Variants in URGCP observed in about 807,000 individuals in gnomAD.
The protein encoded by URGCP is up-regulator of cell proliferation.
In URGCP, 13 loss-of-function variants were observed where a neutral mutation model predicts 24.6. That is an observed-to-expected ratio of 0.53 (90% CI 0.34 to 0.84). URGCP has a LOEUF of 0.84. Ranked by LOEUF, URGCP falls within the 40% of genes least tolerant of loss-of-function variation. The pLI is 0.01. For missense variants in URGCP, 899 were observed against 1,194.3 expected (o/e 0.75, Z 3.64); for synonymous variants, 444 against 487.2 (o/e 0.91, Z 1.17).
At chr7:43,915,403 G>A (rs1454836461) in intron 1 of URGCP, among the ~76,000 whole-genome samples, 1 of 152,212 alleles carries the variant, frequency 6.6e-6, no homozygotes, top group African/African-American at 2.4e-5. Flanking sequence ...ATTGCTCTCA[G>A]GGACTGGGAA....
At position 43,920,933 on chromosome 7, in the gene URGCP, T is replaced by C. The variant is rs143034973; in HGVS notation, c.-116+5199A>G. Among the ~76,000 whole-genome samples, 63 of 152,286 alleles carry C rather than the reference T, an allele frequency of 4.1e-4. 1 individual carries two copies. The highest frequency in any genetic ancestry group is 1.5e-3 in the African/African-American group (61 of 41,562). Reference sequence around the variant, plus strand: ...CTTAAAGGGCCCCACTCGAGGCCAATAGTCCAATTAGGAGATTGGTGAACA... The same window carrying C: ...CTTAAAGGGCCCCACTCGAGGCCAACAGTCCAATTAGGAGATTGGTGAACA... On this transcript the variant is annotated intron_variant, in intron 1 of 5. Coordinates refer to the URGCP transcript ENST00000426198.
chr7:43,896,613 C>T (rs2095878907), intron 1 of URGCP, among the ~76,000 whole-genome samples: 1 of 152,076 alleles, frequency 6.6e-6, no homozygotes, highest in South Asian at 2.1e-4. Context: ...TAAGTTTCCC[C>T]ATACAATGGA....
chr7:43,906,465 A>C (rs1372863653), intron 1 of URGCP, 97 bp downstream of exon 1: 3 of 1,080,332 alleles, frequency 2.8e-6, no homozygotes, highest in Non-Finnish European at 3.4e-6. Context: ...TCCGGGCCGC[A>C]TCCCAGACCA....
intron 1 of URGCP, among the ~76,000 whole-genome samples, chr7:43,894,956 G>A (rs1024196801): frequency 6.6e-6 from 1 of 151,990 alleles, no homozygotes; most frequent in African/African-American, 2.4e-5. Context: ...GCTTGAGGCC[G>A]GGAGGTTGAA....
chr7:43,883,599 G>A (rs2095858007), intron 3 of URGCP, among the ~76,000 whole-genome samples: 4 of 151,842 alleles, frequency 2.6e-5, no homozygotes, highest in Admixed American at 2.6e-4. Flanking sequence ...CTGACCTTGT[G>A]ATCCACCTGC....
intron 1 of URGCP, 27 bp downstream of exon 1, chr7:43,906,527 CCGCGGGGG>C: frequency 5.8e-6 from 7 of 1,208,036 alleles, no homozygotes; most frequent in African/African-American, 1.6e-5. Context: ...CTGCCGGCAG[CCGCGGGGG>C]CGCAGGGCCT....
chr7:43,918,604 A>G, intron 1 of URGCP: 1 of 505,070 alleles, frequency 2.0e-6, no homozygotes, highest in South Asian at 2.3e-5. Flanking sequence ...TTTCTTAAAG[A>G]GCGCTCAGCT....
chr7:43,905,245 G>A (rs1387404726), intron 1 of URGCP, among the ~76,000 whole-genome samples: 1 of 139,372 alleles, frequency 7.2e-6, no homozygotes, highest in Non-Finnish European at 1.5e-5. Context: ...CACAGGTTCA[G>A]CCACCCTCAA....
At chr7:43,902,534 G>C (rs1585825205) in intron 1 of URGCP, among the ~76,000 whole-genome samples, 2 of 152,192 alleles carry the variant, frequency 1.3e-5, no homozygotes. Flanking sequence ...TACTTATGGA[G>C]ATCAACTTAC....
chr7:43,919,736 C>G, intron 1 of URGCP: 1 of 1,376,568 alleles, frequency 7.3e-7, no homozygotes, highest in Non-Finnish European at 1.0e-6. Flanking sequence ...GGAAGTTGGC[C>G]AACTTCATCC....
intron 1 of URGCP, among the ~76,000 whole-genome samples, chr7:43,917,026 G>A (rs558979628): frequency 2.0e-5 from 3 of 152,154 alleles, no homozygotes; most frequent in Non-Finnish European, 4.4e-5. Flanking sequence ...CCATGCTGTG[G>A]GATGCTCTCC....
chr7:43,876,992 T>A lies in URGCP; in HGVS notation c.2471A>T (p.Asp824Val), dbSNP rs1233462895. 1 of 1,614,238 alleles carries A rather than the reference T, an allele frequency of 6.2e-7. No individual in the cohort carries two copies. Among genetic ancestry groups the A allele is most frequent in the South Asian group, 1.1e-5 (1 of 91,086 alleles). The change falls in exon 6 of 6, where the codon GAT becomes GTT. Residue 824 changes from aspartate (D) to valine (V), a missense_variant. Transcript: ENST00000453200. ...NYQFVYQNLH[D>V]VSVPGPRPRD... ...GGGCCTAGGGCCGGGAACAGATACA[T>A]CATGAAGGTTCTGGTATACAAACTG...
At chr7:43,879,764 G>GT (rs537201727) in intron 5 of URGCP, 424 of 150,510 alleles carry the variant, frequency 2.8e-3, no homozygotes, top group Non-Finnish European at 4.2e-3. Context: ...TCTAGTTAAT[G>GT]TTTTTTTGTG....
intron 1 of URGCP, among the ~76,000 whole-genome samples, chr7:43,922,010 C>T (rs1474563473): frequency 1.3e-5 from 2 of 151,846 alleles, no homozygotes; most frequent in African/African-American, 2.4e-5. Context: ...CTCCTGCCTT[C>T]GATTCCTAAG....
At chr7:43,912,454 G>C (rs2095911021) in intron 1 of URGCP, among the ~76,000 whole-genome samples, 1 of 152,198 alleles carries the variant, frequency 6.6e-6, no homozygotes, top group Non-Finnish European at 1.5e-5. Context: ...AGCTGAGATT[G>C]CACCACTGCA....
intron 1 of URGCP, chr7:43,920,081 C>A: frequency 8.2e-7 from 1 of 1,225,856 alleles, no homozygotes; most frequent in Middle Eastern, 1.9e-4. Context: ...CAGGGACCCT[C>A]ATCTGCCTTA....
intron 1 of URGCP, among the ~76,000 whole-genome samples, chr7:43,891,750 G>C (rs1267794566): frequency 6.6e-6 from 1 of 151,914 alleles, no homozygotes; most frequent in Non-Finnish European, 1.5e-5. Flanking sequence ...CAAGTAGCTG[G>C]GATTACAGCA....
intron 1 of URGCP, among the ~76,000 whole-genome samples, chr7:43,891,089 G>A (rs770465447): frequency 1.3e-5 from 2 of 152,128 alleles, no homozygotes; most frequent in East Asian, 1.9e-4. Context: ...AGTAATTACC[G>A]ACTAGGGGAA....
intron 3 of URGCP, 122 bp downstream of exon 3, chr7:43,887,287 CCTTAAA>C: frequency 9.3e-7 from 1 of 1,073,892 alleles, no homozygotes; most frequent in South Asian, 2.0e-5. Flanking sequence ...AAAATAAAAG[CCTTAAA>C]CTTATTTATT....
Sources: gnomAD v4.1 joint callset for allele counts (sites outside exome capture counted in the v4.1 genomes callset) on GRCh38, gnomAD v4.1.1 for gene constraint, MANE v1.5 for transcripts, NCBI Gene and HGNC (gene_info 2026-07-23, HGNC 2026-07-21) for gene names.